Variants in S100B observed in about 807,000 individuals in gnomAD.
S100B encodes the protein protein S100-B.
A neutral mutation model predicts 7.7 loss-of-function variants in S100B; 6 were observed. That is an observed-to-expected ratio of 0.78 (90% CI 0.43 to 1.54). The LOEUF (loss-of-function observed/expected upper bound fraction) is 1.54, where lower values mean the gene tolerates loss of function less well. S100B is among the 40% of genes most tolerant of loss of function. The pLI, the probability that S100B is intolerant of heterozygous loss-of-function variation, is 0.01. For missense variants in S100B, 99 were observed against 111.8 expected, an observed-to-expected ratio of 0.89 and a Z score of 0.52; for synonymous variants, 36 against 40.4, an observed-to-expected ratio of 0.89 and a Z score of 0.41.
chr21:46,603,672 G>GA (rs1257739244), intron 1 of S100B, among the ~76,000 whole-genome samples: 2 of 152,070 alleles, frequency 1.3e-5, no homozygotes, highest in East Asian at 3.8e-4. Context: ...AAATAGTGTT[G>GA]AAAAATCATT....
At chr21:46,600,854 C>T (rs2079054492) in intron 2 of S100B, among the ~76,000 whole-genome samples, 1 of 152,174 alleles carries the variant, frequency 6.6e-6, no homozygotes, top group African/African-American at 2.4e-5. Context: ...AGCACTGTCC[C>T]GCTTCACCCT....
chr21:46,598,752 G>A lies in S100B; in HGVS notation c.*611C>T, dbSNP rs1360544804. Reference sequence around the variant, plus strand: ...GAATCGCATGGGTCACGGAGGCCACGCTGGAGCCCCCAGAGCTGGCTCGGA... The same window carrying A: ...GAATCGCATGGGTCACGGAGGCCACACTGGAGCCCCCAGAGCTGGCTCGGA... On this transcript the variant is annotated 3_prime_UTR_variant, in exon 3 of 3. Coordinates refer to ENST00000291700, the MANE Select transcript of S100B (RefSeq NM_006272.3). 6.6e-6 allele frequency among the ~76,000 whole-genome samples: 1 copy of A among 152,232 alleles called. No individual in the cohort carries two copies. Among genetic ancestry groups the A allele is most frequent in the Non-Finnish European group, 1.5e-5 (1 of 68,038 alleles).
At chr21:46,603,392 A>AGGGGGTGGGGGGGGG (rs796474856) in intron 1 of S100B, among the ~76,000 whole-genome samples, 2 of 38,230 alleles carry the variant, frequency 5.2e-5, no homozygotes, top group Admixed American at 3.4e-4. Flanking sequence ...GGACGGCGGG[A>AGGGGGTGGGGGGGGG]GGGGGTGGGG....
chr21:46,603,772 T>A (rs868744005), intron 1 of S100B, among the ~76,000 whole-genome samples: 3 of 152,216 alleles, frequency 2.0e-5, no homozygotes, highest in Non-Finnish European at 4.4e-5. Flanking sequence ...GATTGAAGAT[T>A]TTTTTATACT....
chr21:46,599,012 C>A lies in S100B; in HGVS notation c.*351G>T. The A allele has an allele frequency of 4.2e-6, 1 of 238,346 alleles. No individual in the cohort carries two copies. Among genetic ancestry groups the A allele is most frequent in the Non-Finnish European group, 7.9e-6 (1 of 126,184 alleles). The allele number at this position is 238,346 out of a possible 1,614,324, so 14.8% of individuals were successfully genotyped here. On this transcript the variant is annotated 3_prime_UTR_variant, in exon 3 of 3. Transcript: ENST00000291700. ...AGGTAGTGGAAGTTTTAAGGGTGCC[C>A]CGGGGTAATTTCTGTAGTCAGGGTT...
chr21:46,604,816 G>A (rs2061052958), intron 1 of S100B, among the ~76,000 whole-genome samples, 197 bp downstream of exon 1: 1 of 152,202 alleles, frequency 6.6e-6, no homozygotes, highest in Admixed American at 6.5e-5. Flanking sequence ...GTCTAGGGCT[G>A]ATGCAGTCAG....
chr21:46,603,398 T>TGGGGGGAGGGGGGGGGGAGGGGGGGGC, intron 1 of S100B, among the ~76,000 whole-genome samples: 1 of 52,070 alleles, frequency 1.9e-5, no homozygotes, highest in Admixed American at 2.2e-4. Context: ...CGGGAGGGGG[T>TGGGGGGAGGGGGGGGGGAGGGGGGGGC]GGGGGCAGGA....
intron 1 of S100B, among the ~76,000 whole-genome samples, chr21:46,604,117 C>T (rs2061050829): frequency 6.6e-6 from 1 of 152,128 alleles, no homozygotes; most frequent in Non-Finnish European, 1.5e-5. Flanking sequence ...ACATGTATCC[C>T]ATATATTAGA....
In S100B at chr21:46,599,393, A is replaced by T. The variant is rs1169177651; in HGVS notation, c.249T>A (p.Thr83=). ...EFMAFVAMVT[T]ACHEFFEHE ...CATGTTCAAAGAACTCGTGGCAGGC[A>T]GTAGTAACCATGGCAACAAAGGCCA... The change falls in exon 3 of 3, where the codon ACT becomes ACA. Residue 83 remains threonine, a synonymous_variant. Coordinates refer to ENST00000291700, the MANE Select transcript of S100B (RefSeq NM_006272.3). The T allele has an allele frequency of 6.2e-7, 1 of 1,613,930 alleles. No homozygotes were observed. Among genetic ancestry groups the T allele is most frequent in the East Asian group, 2.2e-5 (1 of 44,898 alleles).
chr21:46,601,118 C>T (rs2148944069), intron 2 of S100B, among the ~76,000 whole-genome samples: 1 of 152,258 alleles, frequency 6.6e-6, no homozygotes, highest in South Asian at 2.1e-4. Context: ...CAGCCAGCGC[C>T]CCCTCCCCCT....
At chr21:46,603,284 G>C (rs1050275040) in intron 1 of S100B, among the ~76,000 whole-genome samples, 3 of 149,580 alleles carry the variant, frequency 2.0e-5, no homozygotes, top group African/African-American at 7.4e-5. Context: ...GTGTGGTTCT[G>C]TCGCAGGGAG....
chr21:46,599,144 AGCTTACACACAG>A lies in S100B; in HGVS notation c.*207_*218del. 1 of 560,244 alleles carries A rather than the reference AGCTTACACACAG, an allele frequency of 1.8e-6. No individual in the cohort carries two copies. The highest frequency in any genetic ancestry group is 3.1e-6 in the Non-Finnish European group (1 of 320,076). 34.7% of individuals were successfully genotyped at this position (560,244 alleles called of 1,614,324 possible). On this transcript the variant is annotated 3_prime_UTR_variant, in exon 3 of 3. Coordinates refer to ENST00000291700, the MANE Select transcript of S100B (RefSeq NM_006272.3). ...TTAACAAGAGTCCCTGGGGCCAGTC[AGCTTACACACAG>A]GCCTAATATAGCAGAAAGAATGATG...
intron 2 of S100B, 99 bp from the exon 3 acceptor site, chr21:46,599,602 G>A (rs1488844421): frequency 7.5e-6 from 8 of 1,062,586 alleles, no homozygotes; most frequent in South Asian, 5.2e-5. Flanking sequence ...ATTTGTGTCC[G>A]AAATAACCTA....
intron 2 of S100B, 54 bp downstream of exon 2, chr21:46,602,215 CAGTGTACAG>C: frequency 7.0e-7 from 1 of 1,438,322 alleles, no homozygotes; most frequent in Non-Finnish European, 9.6e-7. Context: ...AAGATAAAGC[CAGTGTACAG>C]ATGGATTTTA....
chr21:46,603,746 C>T (rs2061049767), intron 1 of S100B, among the ~76,000 whole-genome samples: 1 of 127,902 alleles, frequency 7.8e-6, no homozygotes, highest in Non-Finnish European at 1.7e-5. Context: ...TATTTCTGAT[C>T]CTCCGAAGGA....
In S100B at chr21:46,598,814, CT is replaced by C. The variant is rs1201599226; in HGVS notation, c.*548del. The stretch of plus-strand genomic sequence containing the variant: ...GATGGAGTTGCTTTTTCCAGGAGCG[CT>C]GCCAGCGCTGAGCGTTCACCTGGTG... On this transcript the variant is annotated 3_prime_UTR_variant, in exon 3 of 3. Transcript: ENST00000291700. 1 of 152,718 alleles carries C rather than the reference CT, an allele frequency of 6.5e-6. No individual in the cohort carries two copies. The highest frequency in any genetic ancestry group is 2.4e-5 in the African/African-American group (1 of 41,466). 9.5% of individuals were successfully genotyped at this position (152,718 alleles called of 1,614,324 possible).
At chr21:46,601,470 G>A (rs1448711451) in intron 2 of S100B, among the ~76,000 whole-genome samples, 5 of 152,182 alleles carry the variant, frequency 3.3e-5, no homozygotes, top group Admixed American at 2.6e-4. Context: ...TTCCATGAGG[G>A]CATGAGGTGG....
At chr21:46,604,027 T>C (rs979672995) in intron 1 of S100B, among the ~76,000 whole-genome samples, 2 of 152,192 alleles carry the variant, frequency 1.3e-5, no homozygotes, top group East Asian at 1.9e-4. Context: ...TCAAAGTCCA[T>C]GATGATTTGG....
At chr21:46,603,291 G>A (rs963297073) in intron 1 of S100B, among the ~76,000 whole-genome samples, 1 of 149,570 alleles carries the variant, frequency 6.7e-6, no homozygotes, top group Non-Finnish European at 1.5e-5. Flanking sequence ...TCTGTCGCAG[G>A]GAGGGACAGA....
Sources: allele counts gnomAD v4.1 joint callset (sites outside exome capture counted in the v4.1 genomes callset), GRCh38; gene constraint gnomAD v4.1.1; transcripts MANE v1.5; gene names NCBI Gene and HGNC (gene_info 2026-07-23, HGNC 2026-07-21).